SERINC5: variants seen among roughly 807,000 people sequenced by gnomAD.
The protein encoded by SERINC5 is chromosome 5 open reading frame 12.
A neutral mutation model predicts 63.1 loss-of-function variants in SERINC5; 41 were observed. That is an observed-to-expected ratio of 0.65 (90% CI 0.51 to 0.84). SERINC5 has a LOEUF of 0.84. Ranked by LOEUF, SERINC5 falls within the 40% of genes least tolerant of loss-of-function variation. The pLI, the probability that SERINC5 is intolerant of heterozygous loss-of-function variation, is 0.00. For missense variants in SERINC5, 523 were observed against 573.0 expected, an observed-to-expected ratio of 0.91 and a Z score of 0.89; for synonymous variants, 222 against 215.2, an observed-to-expected ratio of 1.03 and a Z score of -0.28.
intron 2 of SERINC5, among the ~76,000 whole-genome samples, chr5:80,192,518 G>C (rs1375994790): frequency 6.6e-6 from 1 of 152,008 alleles, no homozygotes; most frequent in Non-Finnish European, 1.5e-5. Context: ...AAGGAATGGA[G>C]AGAGAATGTG....
At chr5:80,236,186 A>G (rs1170964622) in intron 1 of SERINC5, among the ~76,000 whole-genome samples, 1 of 152,168 alleles carries the variant, frequency 6.6e-6, no homozygotes, top group Non-Finnish European at 1.5e-5. Flanking sequence ...AACATCTAAC[A>G]TTTATGAACT....
downstream of SERINC5, among the ~76,000 whole-genome samples, chr5:80,138,318 G>A (rs559782559): frequency 2.0e-5 from 3 of 151,978 alleles, no homozygotes; most frequent in East Asian, 1.9e-4. Context: ...AGAGTAGGCC[G>A]GGCACGGTGG....
chr5:80,163,353 T>C (rs562253922), intron 7 of SERINC5, among the ~76,000 whole-genome samples: 1 of 152,280 alleles, frequency 6.6e-6, no homozygotes, highest in South Asian at 2.1e-4. Flanking sequence ...GTGTCCTGGC[T>C]AGGACTTCCA....
intron 1 of SERINC5, among the ~76,000 whole-genome samples, chr5:80,235,059 G>A (rs1440076540): frequency 1.3e-5 from 2 of 152,064 alleles, no homozygotes; most frequent in African/African-American, 2.4e-5. Context: ...GCACTGAATC[G>A]CTATACCCAC....
intron 8 of SERINC5, chr5:80,158,629 C>CCATA: frequency 1.9e-6 from 1 of 534,172 alleles, no homozygotes; most frequent in South Asian, 2.8e-5. Context: ...TATTTACATA[C>CCATA]CATATATTTG....
rs372780906 is a variant in SERINC5, at chr5:80,140,417, G to T, written c.*3246C>A. 3.0e-6 allele frequency: 3 copies of T among 983,826 alleles called. No individual in the cohort carries two copies. The highest frequency in any genetic ancestry group is 3.6e-6 in the Non-Finnish European group (3 of 829,576). The allele number at this position is 983,826 out of a possible 1,614,324, so 60.9% of individuals were successfully genotyped here. Reference sequence around the variant, plus strand: ...ATAATAAAGGATCTTCTGAGGAATCGGAAATAAACAATGTTGTATGGAAAC... The same window carrying T: ...ATAATAAAGGATCTTCTGAGGAATCTGAAATAAACAATGTTGTATGGAAAC... On this transcript the variant is annotated 3_prime_UTR_variant, in exon 12 of 12. Transcript: ENST00000507668.
Position 80,130,167 on chromosome 5 carries a change from G to A in SERINC5, c.1238+15923C>T, listed in dbSNP as rs963531295. On this transcript the variant is annotated intron_variant, in intron 11 of 12. Coordinates refer to the SERINC5 transcript ENST00000509193. ...GGCCAAGGTGGGTGGATCACTTGAG[G>A]TCAGGAGTTCAAGACCAGCCTGGCC... Among the ~76,000 whole-genome samples the A allele has an allele frequency of 1.4e-4, 22 of 152,044 alleles. 1 individual carries two copies. Among genetic ancestry groups the A allele is most frequent in the Admixed American group, 1.1e-3 (17 of 15,258 alleles).
intron 1 of SERINC5, among the ~76,000 whole-genome samples, chr5:80,221,808 C>A (rs1234331753): frequency 1.4e-5 from 2 of 144,066 alleles, no homozygotes; most frequent in African/African-American, 2.6e-5. Context: ...AAAAAAAAAT[C>A]AATGAACATC....
rs1580048668 is a variant in SERINC5 at position 80,139,418 on chromosome 5, A to G, written c.*4245T>C. ...TTCTTCCATCATTTTACTCATGTGA[A>G]TATGATTAAACTCCTATAGAAGTGG... On this transcript the variant is annotated 3_prime_UTR_variant, in exon 12 of 12. Transcript: ENST00000507668. The G allele has an allele frequency of 1.0e-6, 1 of 985,174 alleles. No homozygotes were observed. 61.0% of individuals were successfully genotyped at this position (985,174 alleles called of 1,614,324 possible). A position where few individuals can be genotyped will look rare whatever the true frequency, so the allele number is the denominator to read the frequency against.
chr5:80,252,335 C>T (rs1213771101), intron 1 of SERINC5, among the ~76,000 whole-genome samples: 1 of 152,176 alleles, frequency 6.6e-6, no homozygotes, highest in East Asian at 1.9e-4. Flanking sequence ...GCTGGGATTA[C>T]AGGCAAGAGC....
intron 5 of SERINC5, among the ~76,000 whole-genome samples, chr5:80,173,269 G>T (rs1561393211): frequency 7.5e-5 from 11 of 147,210 alleles, no homozygotes; most frequent in African/African-American, 2.9e-4. Context: ...AAGGAAGGAA[G>T]GAAGGAAGGA....
intron 2 of SERINC5, among the ~76,000 whole-genome samples, chr5:80,190,590 A>G (rs1749122024): frequency 6.6e-6 from 1 of 152,254 alleles, no homozygotes; most frequent in African/African-American, 2.4e-5. Flanking sequence ...TTAAAAGTTC[A>G]TGCTAAAAAG....
chr5:80,139,803 G>A lies in SERINC5; in HGVS notation c.*3860C>T. On this transcript the variant is annotated 3_prime_UTR_variant, in exon 12 of 12. Coordinates refer to ENST00000507668, the MANE Select transcript of SERINC5 (RefSeq NM_001174072.3). ...GAAGGAGGGCCCAGTGTTCTTTCTGGGTGTGTAAGGTCTTACTTAGTTCAA... is the reference window on the plus strand; with the variant it reads ...GAAGGAGGGCCCAGTGTTCTTTCTGAGTGTGTAAGGTCTTACTTAGTTCAA... 1 of 985,408 alleles carries A rather than the reference G, an allele frequency of 1.0e-6. No individual in the cohort carries two copies. The highest frequency in any genetic ancestry group is 1.2e-6 in the Non-Finnish European group (1 of 829,940). 61.0% of individuals were successfully genotyped at this position (985,408 alleles called of 1,614,324 possible).
At chr5:80,182,012 T>C (rs1748460512) in intron 2 of SERINC5, among the ~76,000 whole-genome samples, 1 of 152,366 alleles carries the variant, frequency 6.6e-6, no homozygotes, top group Admixed American at 6.5e-5. Context: ...CAATGTTTAA[T>C]CAGTAACATT....
intron 1 of SERINC5, among the ~76,000 whole-genome samples, chr5:80,247,814 T>A (rs539238489): frequency 2.6e-5 from 4 of 152,120 alleles, no homozygotes; most frequent in Non-Finnish European, 4.4e-5. Flanking sequence ...CAACCCCATA[T>A]ATACTGTGTT....
chr5:80,196,261 C>T (rs771430445), intron 2 of SERINC5, among the ~76,000 whole-genome samples: 1 of 151,878 alleles, frequency 6.6e-6, no homozygotes, highest in East Asian at 1.9e-4. Flanking sequence ...GGAAAGCAAG[C>T]GAACGGGAAG....
intron 8 of SERINC5, 196 bp downstream of exon 8, chr5:80,158,640 C>CT (rs1321618596): frequency 2.8e-5 from 15 of 538,654 alleles, no homozygotes; most frequent in Admixed American, 9.7e-5. Context: ...CATATATTTG[C>CT]TTTATTTACC....
At chr5:80,121,413 G>C (rs1237735682) in intron 11 of SERINC5, among the ~76,000 whole-genome samples, 2 of 152,084 alleles carry the variant, frequency 1.3e-5, no homozygotes, top group Non-Finnish European at 2.9e-5. Context: ...TGAGATTGCT[G>C]TCCCCTAGTT....
intron 1 of SERINC5, among the ~76,000 whole-genome samples, chr5:80,253,054 TAACA>T: frequency 6.6e-6 from 1 of 152,154 alleles, no homozygotes; most frequent in Non-Finnish European, 1.5e-5. Flanking sequence ...GTCCTCTTCC[TAACA>T]ATTTCCTACT....
Sources: allele counts gnomAD v4.1 joint callset (sites outside exome capture counted in the v4.1 genomes callset), GRCh38; gene constraint gnomAD v4.1.1; transcripts MANE v1.5; gene names NCBI Gene and HGNC (gene_info 2026-07-23, HGNC 2026-07-21).